OXR1: variants seen among roughly 807,000 people sequenced by gnomAD.
OXR1 encodes oxidation resistance protein 1.
Under a neutral mutation model 104.6 loss-of-function variants are expected in OXR1, and 41 were observed. The ratio of observed to expected loss-of-function variants is 0.39; its 90% CI spans 0.31 to 0.51. The LOEUF (loss-of-function observed/expected upper bound fraction) is 0.51. Ranked by LOEUF, OXR1 falls within the 20% of genes least tolerant of loss-of-function variation. The pLI is 0.77. For missense variants in OXR1, 955 were observed against 1,031.9 expected, an observed-to-expected ratio of 0.93 and a Z score of 1.02; for synonymous variants, 348 against 348.4, an observed-to-expected ratio of 1.00 and a Z score of 0.01.
intron 2 of OXR1, among the ~76,000 whole-genome samples, chr8:106,427,713 C>A (rs191164945): frequency 2.6e-5 from 4 of 152,272 alleles, no homozygotes; most frequent in Non-Finnish European, 4.4e-5. Context: ...TATGTTCTGA[C>A]AGGCTAATCT....
At chr8:106,273,244 GA>G (rs34496444) in intron 1 of OXR1, among the ~76,000 whole-genome samples, 1,447 of 129,272 alleles carry the variant, frequency 0.011, 19 homozygotes, top group Admixed American at 0.04. Context: ...TCATTACAAA[GA>G]AAAAAAAAAA....
At chr8:106,736,172 C>CCT (rs536486996) in intron 11 of OXR1, among the ~76,000 whole-genome samples, 1 of 151,232 alleles carries the variant, frequency 6.6e-6, no homozygotes, top group Non-Finnish European at 1.5e-5. Context: ...GACACCCCCC[C>CCT]CCATCCGCCC....
intron 2 of OXR1, among the ~76,000 whole-genome samples, chr8:106,512,139 T>C (rs1220217900): frequency 1.3e-5 from 2 of 152,180 alleles, no homozygotes; most frequent in Non-Finnish European, 2.9e-5. Flanking sequence ...AATATTCCCA[T>C]TTTACAGATG....
At chr8:106,571,605 A>G (rs947377325) in intron 3 of OXR1, among the ~76,000 whole-genome samples, 2 of 152,054 alleles carry the variant, frequency 1.3e-5, no homozygotes, top group African/African-American at 2.4e-5. Flanking sequence ...TATTTATTCC[A>G]TCCCAACAGC....
At chr8:106,461,217 A>C (rs1342151373) in intron 2 of OXR1, among the ~76,000 whole-genome samples, 1 of 152,146 alleles carries the variant, frequency 6.6e-6, no homozygotes, top group African/African-American at 2.4e-5. Flanking sequence ...GAGTAAGAGT[A>C]GTCTCCCCTG....
intron 14 of OXR1, 61 bp from the exon 15 acceptor site, chr8:106,742,161 A>G: frequency 1.1e-6 from 1 of 935,392 alleles, no homozygotes. Flanking sequence ...ATATGATGAA[A>G]TAATGCTTAC....
intron 2 of OXR1, among the ~76,000 whole-genome samples, chr8:106,465,476 A>C (rs967456088): frequency 1.3e-5 from 2 of 152,044 alleles, no homozygotes; most frequent in African/African-American, 4.8e-5. Flanking sequence ...GATCAGATTT[A>C]CATGTTAACA....
intron 1 of OXR1, among the ~76,000 whole-genome samples, chr8:106,352,538 T>C (rs1236144355): frequency 6.6e-6 from 1 of 152,208 alleles, no homozygotes; most frequent in Non-Finnish European, 1.5e-5. Context: ...CTGCAGCATC[T>C]TATGTAATTG....
intron 4 of OXR1, among the ~76,000 whole-genome samples, chr8:106,680,732 T>C (rs139347952): frequency 3.3e-5 from 5 of 152,266 alleles, no homozygotes; most frequent in African/African-American, 1.2e-4. Flanking sequence ...AGACCCAAAC[T>C]TTTTTTCTAT....
At chr8:106,743,160 A>T (rs1457865247) in intron 15 of OXR1, among the ~76,000 whole-genome samples, 1 of 152,192 alleles carries the variant, frequency 6.6e-6, no homozygotes, top group Non-Finnish European at 1.5e-5. Context: ...CATGTGGCCA[A>T]AAAAACCTGT....
intron 2 of OXR1, among the ~76,000 whole-genome samples, chr8:106,396,586 G>A (rs1038148069): frequency 2.0e-5 from 3 of 152,102 alleles, no homozygotes; most frequent in Non-Finnish European, 2.9e-5. Flanking sequence ...AAGGGGACAT[G>A]ACAACTAAAT....
chr8:106,597,104 A>T (rs1044204354), intron 3 of OXR1, among the ~76,000 whole-genome samples: 1 of 152,130 alleles, frequency 6.6e-6, no homozygotes, highest in Non-Finnish European at 1.5e-5. Flanking sequence ...CACCTCATAG[A>T]ACACATCTTT....
chr8:106,680,312 A>G (rs905852711), intron 4 of OXR1, among the ~76,000 whole-genome samples: 1 of 152,124 alleles, frequency 6.6e-6, no homozygotes, highest in Admixed American at 6.5e-5. Context: ...TAAGTTTTTT[A>G]TAGGTAACCT....
intron 2 of OXR1, among the ~76,000 whole-genome samples, chr8:106,456,414 G>A (rs1820599562): frequency 6.6e-6 from 1 of 152,056 alleles, no homozygotes; most frequent in Non-Finnish European, 1.5e-5. Context: ...TCTTAAAAAA[G>A]CATTGGATTA....
chr8:106,672,405 T>C (rs1345209473), intron 3 of OXR1, among the ~76,000 whole-genome samples: 3 of 151,666 alleles, frequency 2.0e-5, no homozygotes, highest in African/African-American at 7.3e-5. Flanking sequence ...GAGAATTGCT[T>C]CAACCTGGGA....
At chr8:106,380,531 T>C (rs979575142) in intron 2 of OXR1, among the ~76,000 whole-genome samples, 1 of 152,236 alleles carries the variant, frequency 6.6e-6, no homozygotes, top group Non-Finnish European at 1.5e-5. Flanking sequence ...GTTTAACTTT[T>C]TGAGGAACTT....
intron 3 of OXR1, among the ~76,000 whole-genome samples, chr8:106,620,415 T>C (rs905591522): frequency 6.6e-6 from 1 of 152,184 alleles, no homozygotes; most frequent in East Asian, 1.9e-4. Flanking sequence ...AGTTTGTGAC[T>C]TGTATAATAT....
At chr8:106,633,303 A>C (rs995253811) in intron 3 of OXR1, among the ~76,000 whole-genome samples, 12 of 152,136 alleles carry the variant, frequency 7.9e-5, no homozygotes, top group Non-Finnish European at 1.5e-5. Flanking sequence ...ATAATAAAAA[A>C]CACTACAAAA....
intron 2 of OXR1, among the ~76,000 whole-genome samples, chr8:106,490,591 C>T (rs2129850381): frequency 6.6e-6 from 1 of 152,232 alleles, no homozygotes; most frequent in South Asian, 2.1e-4. Flanking sequence ...ATCTCGAACC[C>T]CCAATCTCAA....
Sources: allele counts gnomAD v4.1 joint callset (sites outside exome capture counted in the v4.1 genomes callset), GRCh38; gene constraint gnomAD v4.1.1; transcripts MANE v1.5; gene names NCBI Gene and HGNC (gene_info 2026-07-23, HGNC 2026-07-21).